NUP98: variants seen among roughly 807,000 people sequenced by gnomAD.
The protein encoded by NUP98 is nucleoporin 98 and 96 precursor.
In NUP98, 26 loss-of-function variants were observed where a neutral mutation model predicts 191.9. The ratio of observed to expected loss-of-function variants is 0.14; its 90% CI spans 0.10 to 0.19. The LOEUF (loss-of-function observed/expected upper bound fraction) is 0.19. NUP98 is among the 10% of genes least tolerant of loss of function. NUP98 has a pLI of 1.00. For missense variants in NUP98, 1,941 were observed against 2,178.8 expected (o/e 0.89, Z 2.17); for synonymous variants, 808 against 778.4 (o/e 1.04, Z -0.63).
In NUP98 at chr11:3,676,037, A is replaced by G; in HGVS notation, c.*122T>C. 1.2e-6 allele frequency: 1 copy of G among 831,726 alleles called. No homozygotes were observed. The highest frequency in any genetic ancestry group is 1.9e-6 in the Non-Finnish European group (1 of 521,690). The allele number at this position is 831,726 out of a possible 1,614,324, so 51.5% of individuals were successfully genotyped here. On this transcript the variant is annotated 3_prime_UTR_variant, in exon 33 of 33. Transcript: ENST00000324932. ...AGTGGAGGATGCTGCTTCTGGCAGC[A>G]GGGAGGGAGGGTAGATGCCACAGCC...
intron 10 of NUP98, among the ~76,000 whole-genome samples, chr11:3,757,107 A>C (rs1057386083): frequency 5.2e-5 from 7 of 134,700 alleles, no homozygotes; most frequent in South Asian, 2.4e-4. Flanking sequence ...ATATATATAT[A>C]TATCTATATA....
At chr11:3,734,071 T>C (rs2079952894) in intron 13 of NUP98, among the ~76,000 whole-genome samples, 1 of 152,072 alleles carries the variant, frequency 6.6e-6, no homozygotes, top group Non-Finnish European at 1.5e-5. Context: ...GTTTCGCTCT[T>C]GTTGCCCAGG....
At chr11:3,770,022 G>C (rs2081472581) in intron 7 of NUP98, among the ~76,000 whole-genome samples, 2 of 141,800 alleles carry the variant, frequency 1.4e-5, no homozygotes, top group Non-Finnish European at 3.0e-5. Context: ...CAGCCTGGGT[G>C]ACAGAGCGAA....
intron 10 of NUP98, 115 bp from the exon 11 acceptor site, chr11:3,753,523 T>C (rs1283256482): frequency 1.4e-6 from 1 of 717,844 alleles, no homozygotes; most frequent in Non-Finnish European, 2.3e-6. Flanking sequence ...TCAGTTAATA[T>C]TTAGGACTCC....
intron 19 of NUP98, 93 bp from the exon 20 acceptor site, chr11:3,712,821 GAAAGA>G (rs2079060792): frequency 3.9e-6 from 5 of 1,297,784 alleles, no homozygotes; most frequent in South Asian, 1.3e-5. Context: ...TAAGAAAAAA[GAAAGA>G]AAAGGGGAGA....
chr11:3,759,315 G>A (rs2081084781), intron 10 of NUP98, among the ~76,000 whole-genome samples: 1 of 152,130 alleles, frequency 6.6e-6, no homozygotes, highest in Non-Finnish European at 1.5e-5. Flanking sequence ...TGAAAATATT[G>A]ACTGGGTGTG....
At chr11:3,712,161 T>C (rs1479937668) in intron 20 of NUP98, 2 of 1,066,918 alleles carry the variant, frequency 1.9e-6, no homozygotes, top group African/African-American at 1.6e-5. Context: ...AGAAAGCTAA[T>C]TTAACTTTTA....
chr11:3,742,471 T>C (rs1383738507), intron 12 of NUP98, among the ~76,000 whole-genome samples: 2 of 151,980 alleles, frequency 1.3e-5, no homozygotes, highest in Admixed American at 1.3e-4. Flanking sequence ...GAGGCCAAGG[T>C]AGATGGATCA....
At chr11:3,792,201 AAAAAAAAAC>A (rs1202292259) in intron 1 of NUP98, among the ~76,000 whole-genome samples, 17 of 149,202 alleles carry the variant, frequency 1.1e-4, no homozygotes, top group African/African-American at 4.0e-4. Flanking sequence ...AAAAAAAAAA[AAAAAAAAAC>A]ATGTATTCAC....
At chr11:3,736,413 T>G (rs1372085951) in intron 12 of NUP98, among the ~76,000 whole-genome samples, 1 of 152,188 alleles carries the variant, frequency 6.6e-6, no homozygotes, top group Admixed American at 6.5e-5. Context: ...ATCCCAGCAC[T>G]GGGAGGTCGT....
intron 11 of NUP98, among the ~76,000 whole-genome samples, chr11:3,747,775 C>T (rs1282620336): frequency 1.3e-5 from 2 of 152,136 alleles, no homozygotes; most frequent in African/African-American, 4.8e-5. Flanking sequence ...TATTGCCTCC[C>T]AAAAATACAG....
chr11:3,723,567 A>G, intron 15 of NUP98, 112 bp from the exon 16 acceptor site: 1 of 817,848 alleles, frequency 1.2e-6, no homozygotes, highest in Non-Finnish European at 1.9e-6. Context: ...GGATAGTTCC[A>G]TGTATTAAAA....
At chr11:3,704,805 A>G (rs1034462374) in intron 22 of NUP98, among the ~76,000 whole-genome samples, 6 of 152,236 alleles carry the variant, frequency 3.9e-5, no homozygotes, top group Non-Finnish European at 8.8e-5. Flanking sequence ...CAGAAGTTCA[A>G]GACCAGCCTG....
chr11:3,786,553 C>G (rs2082147199), intron 1 of NUP98, among the ~76,000 whole-genome samples: 1 of 152,002 alleles, frequency 6.6e-6, no homozygotes, highest in Non-Finnish European at 1.5e-5. Context: ...TTACTCTGTC[C>G]TCTATGCTCA....
intron 8 of NUP98, among the ~76,000 whole-genome samples, chr11:3,763,848 A>G (rs2081254609): frequency 6.6e-6 from 1 of 152,218 alleles, no homozygotes; most frequent in Non-Finnish European, 1.5e-5. Context: ...CAAAAGCCTT[A>G]ATTCTAAATG....
intron 6 of NUP98, among the ~76,000 whole-genome samples, chr11:3,772,215 C>T (rs1221743220): frequency 6.6e-6 from 1 of 151,910 alleles, no homozygotes; most frequent in Non-Finnish European, 1.5e-5. Context: ...ATAAAATAAT[C>T]CTAACTCTCC....
chr11:3,712,469 C>A, intron 20 of NUP98, 95 bp downstream of exon 20: 1 of 1,559,900 alleles, frequency 6.4e-7, no homozygotes. Flanking sequence ...TTCAAAGTTC[C>A]AAGGGTCATA....
chr11:3,746,978 T>C (rs1328204255), intron 11 of NUP98, among the ~76,000 whole-genome samples: 1 of 152,010 alleles, frequency 6.6e-6, no homozygotes, highest in Non-Finnish European at 1.5e-5. Flanking sequence ...ATAAAATGAC[T>C]TGACTACTGA....
At position 3,779,254 on chromosome 11, in the gene NUP98, G is replaced by T; in HGVS notation, c.80C>A (p.Thr27Asn). 1 of 1,613,432 alleles carries T rather than the reference G, an allele frequency of 6.2e-7. No individual in the cohort carries two copies. Among genetic ancestry groups the T allele is most frequent in the Non-Finnish European group, 8.5e-7 (1 of 1,179,364 alleles). ...FGTTSTFGQN[T>N]GFGTTSGGAF... ...CCCTCCACTAGTAGTGCCAAAGCCA[G>T]TATCTGAAAAAGCAAAATCCAGAGT... The change falls in exon 3 of 33, where the codon ACT (threonine) becomes AAT (asparagine). Residue 27 changes from threonine to asparagine, a missense_variant. Physicochemically the swap from Thr to Asn is moderately conservative, Grantham distance 65. Around this residue, in one of 6 missense-constraint regions of NUP98, gnomAD observed 154 missense variants for 182.9 expected, o/e 0.84. Coordinates refer to ENST00000324932, the MANE Select transcript of NUP98 (RefSeq NM_016320.5).
Sources: allele counts gnomAD v4.1 joint callset (sites outside exome capture counted in the v4.1 genomes callset), GRCh38; gene constraint gnomAD v4.1.1; regional missense constraint gnomAD v4.1.1; transcripts MANE v1.5; gene names NCBI Gene and HGNC (gene_info 2026-07-23, HGNC 2026-07-21).